Variants in GNA11 observed in about 807,000 individuals in gnomAD.
GNA11 encodes the protein G protein subunit alpha 11, also known as guanine nucleotide-binding protein subunit alpha-11.
Under a neutral mutation model 38.2 loss-of-function variants are expected in GNA11, and 8 were observed. That is an observed-to-expected ratio of 0.21 (90% CI 0.12 to 0.38). The LOEUF (loss-of-function observed/expected upper bound fraction) is 0.38. Ranked by LOEUF, GNA11 falls within the 10% of genes least tolerant of loss-of-function variation. GNA11 has a pLI of 1.00. For synonymous variants in GNA11, 211 were observed against 221.4 expected, an observed-to-expected ratio of 0.95 and a Z score of 0.42; for missense variants, 268 against 516.3, an observed-to-expected ratio of 0.52 and a Z score of 4.66.
chr19:3,113,401 C>A lies in GNA11; in HGVS notation c.393C>A (p.Ala131=). The change falls in exon 3 of 7, where the codon GCC becomes GCA. Residue 131 remains alanine (A), a synonymous_variant. Transcript: ENST00000078429. ...CCTTCGAGCATCAGTACGTCAGTGC[C>A]ATCAAGACCCTGTGGGAGGACCCGG... ...VTTFEHQYVS[A]IKTLWEDPGI... 1.9e-6 allele frequency: 3 copies of A among 1,613,264 alleles called. No individual in the cohort carries two copies. The highest frequency in any genetic ancestry group is 2.5e-6 in the Non-Finnish European group (3 of 1,179,620).
chr19:3,123,701 C>T lies in GNA11; in HGVS notation c.*2522C>T, dbSNP rs902800474. 7 of 233,136 alleles carry T rather than the reference C, an allele frequency of 3.0e-5. No homozygotes were observed. Among genetic ancestry groups the T allele is most frequent in the South Asian group, 1.8e-4 (1 of 5,530 alleles). The allele number at this position is 233,136 out of a possible 1,614,324, so 14.4% of individuals were successfully genotyped here. A position where few individuals can be genotyped will look rare whatever the true frequency, so the allele number is the denominator to read the frequency against. Reference sequence around the variant, plus strand: ...CAGTGGTGGCAGCAGATCCTGTGGCCGGCCTGGCGGACGGGACCCAGTGAT... The same window carrying T: ...CAGTGGTGGCAGCAGATCCTGTGGCTGGCCTGGCGGACGGGACCCAGTGAT... On this transcript the variant is annotated 3_prime_UTR_variant, in exon 7 of 7. Coordinates refer to ENST00000078429, the MANE Select transcript of GNA11 (RefSeq NM_002067.5).
At chr19:3,107,024 G>T (rs1725325756) in intron 1 of GNA11, among the ~76,000 whole-genome samples, 1 of 152,222 alleles carries the variant, frequency 6.6e-6, no homozygotes, top group African/African-American at 2.4e-5. Context: ...ATCACCTGAG[G>T]TGAGGAATTT....
rs1352658085 is a variant in GNA11, at chr19:3,119,572, C to A, written c.889+213C>A. ...AGTTCTCCGACGCGGGTGTCTCATA[C>A]CCGTGGGAGATCTGTTAATGCAGGG... is the stretch of plus-strand genomic sequence containing the variant. On this transcript the variant is annotated intron_variant, in intron 6 of 6. Coordinates refer to ENST00000078429, the MANE Select transcript of GNA11 (RefSeq NM_002067.5). This position sits in a 1 kb window ranked among gnomAD's most constrained non-coding sequence, Gnocchi z 4.6. Among the ~76,000 whole-genome samples the A allele has an allele frequency of 6.7e-6, 1 of 148,554 alleles. No homozygotes were observed. The highest frequency in any genetic ancestry group is 1.5e-5 in the Non-Finnish European group (1 of 67,100).
chr19:3,105,636 A>G (rs1470128038), intron 1 of GNA11, among the ~76,000 whole-genome samples: 1 of 152,000 alleles, frequency 6.6e-6, no homozygotes, highest in Non-Finnish European at 1.5e-5. Context: ...GAGAATTTTA[A>G]CATAGGAATT....
rs1035292287 is a variant in GNA11 at position 3,113,448 on chromosome 19, G to A, written c.440G>A (p.Arg147His). The A allele has an allele frequency of 3.1e-6, 5 of 1,611,008 alleles. No individual in the cohort carries two copies. The highest frequency in any genetic ancestry group is 2.2e-5 in the East Asian group (1 of 44,762). The change falls in exon 3 of 7, where the codon CGC becomes CAC. Residue 147 changes from arginine to histidine, a missense_variant. Transcript: ENST00000078429. ...EDPGIQECYDRRREYQLSDSA... is the reference protein window; with the variant it reads ...EDPGIQECYDHRREYQLSDSA... The stretch of plus-strand genomic sequence containing the variant: ...CCGGGCATCCAGGAATGCTACGACC[G>A]CAGGCGCGAGTACCAGCTCTCCGAC...
chr19:3,112,004 G>A (rs991627594), intron 2 of GNA11, among the ~76,000 whole-genome samples: 1 of 152,232 alleles, frequency 6.6e-6, no homozygotes, highest in African/African-American at 2.4e-5. Context: ...TCTGAAACAC[G>A]CATCTGCAAA....
intron 1 of GNA11, among the ~76,000 whole-genome samples, chr19:3,100,171 C>G (rs1252279765): frequency 6.6e-6 from 1 of 152,170 alleles, no homozygotes; most frequent in Non-Finnish European, 1.5e-5. Context: ...TCAGGATTCC[C>G]CAGCCTCGGC....
At chr19:3,109,695 A>C (rs372900082) in intron 1 of GNA11, among the ~76,000 whole-genome samples, 1 of 152,120 alleles carries the variant, frequency 6.6e-6, no homozygotes, top group Non-Finnish European at 1.5e-5. Context: ...GTCTGTGCAG[A>C]GATGCCGTTG....
chr19:3,118,795 G>A (rs1913988571), intron 4 of GNA11, 129 bp from the exon 5 acceptor site: 1 of 847,568 alleles, frequency 1.2e-6, no homozygotes. Context: ...TTCTAAGAGT[G>A]GGGGCTCTTC....
chr19:3,117,496 C>G (rs2145324109), intron 4 of GNA11: 1 of 152,506 alleles, frequency 6.6e-6, no homozygotes, highest in East Asian at 1.9e-4. Flanking sequence ...ATTCTCCTGC[C>G]TCAGCCTCCC....
chr19:3,118,955 C>T lies in GNA11; in HGVS notation c.637C>T (p.Arg213Trp), dbSNP rs777912441. The T allele has an allele frequency of 6.2e-7, 1 of 1,613,442 alleles. No homozygotes were observed. Among genetic ancestry groups the T allele is most frequent in the Non-Finnish European group, 8.5e-7 (1 of 1,179,420 alleles). Residue 213 changes from arginine to tryptophan, a missense_variant, in exon 5 of 7, where the codon CGG becomes TGG. This residue lies in a region of GNA11 where 25 missense variants were observed against 95.6 expected (regional missense o/e 0.26). Coordinates refer to ENST00000078429, the MANE Select transcript of GNA11 (RefSeq NM_002067.5). ...MVDVGGQRSE[R>W]RKWIHCFENV... ...GGATGTGGGGGGCCAGCGGTCGGAG[C>T]GGAGGAAGTGGATCCACTGCTTTGA... is the stretch of plus-strand genomic sequence containing the variant.
intron 3 of GNA11, among the ~76,000 whole-genome samples, chr19:3,113,856 C>CGAGAA (rs1913842150): frequency 6.6e-6 from 1 of 152,178 alleles, no homozygotes; most frequent in Non-Finnish European, 1.5e-5. Context: ...CAACCTGGGC[C>CGAGAA]GTCTCGCTCC....
rs756037964 is a variant in GNA11 at position 3,116,372 on chromosome 19, T to TG, written c.605+1301dup. Among the ~76,000 whole-genome samples the TG allele has an allele frequency of 4.6e-5, 7 of 152,268 alleles. No homozygotes were observed. The Middle Eastern group carries it at 0.01, about 222-fold the overall frequency. On this transcript the variant is annotated intron_variant, in intron 4 of 6. Transcript: ENST00000078429. ...AGTGCTGGAGGCCAGAAGGCTGAGA[T>TG]GCAGGTGTGGGCCGGGCCAGGTCCT...
chr19:3,095,376 C>T (rs901112356), intron 1 of GNA11, among the ~76,000 whole-genome samples: 23 of 152,136 alleles, frequency 1.5e-4, no homozygotes, highest in African/African-American at 5.6e-4. Flanking sequence ...ACCCACCCCT[C>T]GCTACCCCTT....
chr19:3,100,707 T>C (rs1178254337), intron 1 of GNA11, among the ~76,000 whole-genome samples: 6 of 152,076 alleles, frequency 3.9e-5, no homozygotes, highest in Non-Finnish European at 7.4e-5. Context: ...TGGGCTGCCC[T>C]GGGCTGGCCA....
Position 3,119,169 on chromosome 19 carries a change from G to C in GNA11, c.736-37G>C. 1 of 1,609,218 alleles carries C rather than the reference G, an allele frequency of 6.2e-7. No individual in the cohort carries two copies. The highest frequency in any genetic ancestry group is 8.5e-7 in the Non-Finnish European group (1 of 1,176,660). The stretch of plus-strand genomic sequence containing the variant: ...CCCCTTGGGCTGTGTGCAGTGGGGA[G>C]GGCCCCTCTGATTCCCTCTGCCTTC... On this transcript the variant is annotated intron_variant, in intron 5 of 6. Coordinates refer to ENST00000078429, the MANE Select transcript of GNA11 (RefSeq NM_002067.5). This position sits in a 1 kb window ranked among gnomAD's most constrained non-coding sequence, Gnocchi z 4.6.
Position 3,120,863 on chromosome 19 carries a change from G to C in GNA11, c.890-126G>C, listed in dbSNP as rs1914054373. On this transcript the variant is annotated intron_variant, in intron 6 of 6. Coordinates refer to ENST00000078429, the MANE Select transcript of GNA11 (RefSeq NM_002067.5). The surrounding 1 kb of genome is among the most constrained non-coding windows in gnomAD (Gnocchi z 5.9). ...GCTGCGGCCCGTCAGGCATGCAGTG[G>C]GCTGGGGGTCGAGCTGGGTGGGCCG... 1 of 651,350 alleles carries C rather than the reference G, an allele frequency of 1.5e-6. No individual in the cohort carries two copies. The highest frequency in any genetic ancestry group is 1.9e-5 in the South Asian group (1 of 53,616). The allele number at this position is 651,350 out of a possible 1,614,324, so 40.3% of individuals were successfully genotyped here. A position where few individuals can be genotyped will look rare whatever the true frequency, so the allele number is the denominator to read the frequency against.
chr19:3,096,416 G>A (rs1599294274), intron 1 of GNA11, among the ~76,000 whole-genome samples: 2 of 152,264 alleles, frequency 1.3e-5, no homozygotes, highest in East Asian at 3.9e-4. Flanking sequence ...TGGATGGAGG[G>A]GAGTTAGGAA....
chr19:3,114,867 G>T lies in GNA11; in HGVS notation c.477-77G>T, dbSNP rs1204713649. On this transcript the variant is annotated intron_variant, in intron 3 of 6. Coordinates refer to ENST00000078429, the MANE Select transcript of GNA11 (RefSeq NM_002067.5). ...CCTCCTGGTGGCTTTCCGTCCTCCC[G>T]CTGGTTTGGGTGCTGTGTCCCTGTC... The T allele has an allele frequency of 2.9e-5, 42 of 1,426,534 alleles. 1 individual carries two copies. In the South Asian group the frequency reaches 3.5e-4, roughly 12 times the overall value. The allele number at this position is 1,426,534 out of a possible 1,614,324, so 88.4% of individuals were successfully genotyped here. A position where few individuals can be genotyped will look rare whatever the true frequency, so the allele number is the denominator to read the frequency against.
Sources: allele counts gnomAD v4.1 joint callset (sites outside exome capture counted in the v4.1 genomes callset), GRCh38; gene constraint gnomAD v4.1.1; regional missense constraint gnomAD v4.1.1; non-coding constraint Gnocchi (gnomAD v3.1); transcripts MANE v1.5; gene names NCBI Gene and HGNC (gene_info 2026-07-23, HGNC 2026-07-21).